Variants in SPATA13 observed in about 807,000 individuals in gnomAD.
SPATA13 encodes spermatogenesis-associated protein 13.
SPATA13 carries 50 observed loss-of-function variants against 104.0 expected under a neutral mutation model. The ratio of observed to expected loss-of-function variants is 0.48; its 90% CI spans 0.38 to 0.61. The LOEUF (loss-of-function observed/expected upper bound fraction) is 0.61. Ranked by LOEUF, SPATA13 falls within the 20% of genes least tolerant of loss-of-function variation. The pLI is 0.00. For missense variants in SPATA13, 1,524 were observed against 1,690.6 expected (o/e 0.90, Z 1.73); for synonymous variants, 606 against 667.5 (o/e 0.91, Z 1.42).
At chr13:24,126,524 C>T (rs561040118) in intron 3 of SPATA13, among the ~76,000 whole-genome samples, 3 of 152,186 alleles carry the variant, frequency 2.0e-5, no homozygotes, top group African/African-American at 7.2e-5. Flanking sequence ...TAAGCATTTA[C>T]GTATATATAT....
At position 24,286,652 on chromosome 13, in the gene SPATA13, A is replaced by G; in HGVS notation, c.2482-113A>G. The G allele has an allele frequency of 2.8e-6, 3 of 1,054,368 alleles. No homozygotes were observed. Among genetic ancestry groups the G allele is most frequent in the Non-Finnish European group, 2.7e-6 (2 of 736,604 alleles). 65.3% of individuals were successfully genotyped at this position (1,054,368 alleles called of 1,614,324 possible). On this transcript the variant is annotated intron_variant, in intron 6 of 12. Transcript: ENST00000382108. The surrounding 1 kb of genome is among the most constrained non-coding windows in gnomAD (Gnocchi z 4.9). ...AGGCCATGAGACTCAGGCGAGGGCC[A>G]GGCTGCCTTCCTAACAGGTCACAGG... is the stretch of plus-strand genomic sequence containing the variant.
intron 4 of SPATA13, 52 bp downstream of exon 4, chr13:24,251,914 G>A (rs569360026): frequency 1.0e-5 from 16 of 1,561,752 alleles, no homozygotes; most frequent in Middle Eastern, 3.5e-4. Context: ...CCATCTGACC[G>A]TTTCCAGCTA....
At position 24,011,427 on chromosome 13, in the gene SPATA13, C is replaced by A. The variant is rs1338883953; in HGVS notation, c.-146-6240C>A. 6.6e-6 allele frequency among the ~76,000 whole-genome samples: 1 copy of A among 152,222 alleles called. No homozygotes were observed. Among genetic ancestry groups the A allele is most frequent in the Non-Finnish European group, 1.5e-5 (1 of 68,048 alleles). On this transcript the variant is annotated intron_variant, in intron 2 of 14. Transcript: ENST00000424834. The surrounding 1 kb of genome is among the most constrained non-coding windows in gnomAD (Gnocchi z 4.3). ...CTGGGCAGGTCTGGCTTGCTGCCCT[C>A]CCCTGGAGAATGTGGCGACCCAGCA...
intron 1 of SPATA13, among the ~76,000 whole-genome samples, chr13:24,185,026 G>A (rs374975850): frequency 1.3e-5 from 2 of 152,302 alleles, no homozygotes; most frequent in South Asian, 4.1e-4. Flanking sequence ...TCTTTGAAAG[G>A]CACGTGTATC....
intron 2 of SPATA13, among the ~76,000 whole-genome samples, chr13:24,000,916 G>C (rs1211440402): frequency 6.6e-6 from 1 of 152,134 alleles, no homozygotes; most frequent in African/African-American, 2.4e-5. Context: ...GATTCCCTGG[G>C]TCAGAGGTGT....
chr13:24,299,447 G>A (rs979682070), intron 11 of SPATA13, among the ~76,000 whole-genome samples: 39 of 152,348 alleles, frequency 2.6e-4, no homozygotes, highest in African/African-American at 9.4e-4. Context: ...ATGCATGTGT[G>A]TGGGTAGAAG....
At chr13:24,130,041 A>T (rs9507251) in intron 3 of SPATA13, among the ~76,000 whole-genome samples, 103,716 of 152,166 alleles carry the variant, frequency 0.68, 35,976 homozygotes, top group East Asian at 0.87. Flanking sequence ...GCTACTCCAC[A>T]CAGCCCTTTC....
chr13:24,111,995 A>T (rs1254030189), intron 3 of SPATA13, among the ~76,000 whole-genome samples: 1 of 152,188 alleles, frequency 6.6e-6, no homozygotes, highest in Non-Finnish European at 1.5e-5. Flanking sequence ...TTTGAATTGG[A>T]TAAAGACTCT....
intron 3 of SPATA13, among the ~76,000 whole-genome samples, chr13:24,066,597 GA>G (rs1404439236): frequency 1.3e-5 from 2 of 152,170 alleles, no homozygotes; most frequent in African/African-American, 4.8e-5. Context: ...CCATGGAGGG[GA>G]CAGCAGGTGC....
chr13:24,067,271 T>G (rs905263470), intron 3 of SPATA13, among the ~76,000 whole-genome samples: 1 of 152,196 alleles, frequency 6.6e-6, no homozygotes, highest in Non-Finnish European at 1.5e-5. Flanking sequence ...AGAATCCAGA[T>G]AGCAAATAGC....
Position 24,224,094 on chromosome 13 carries a change from G to A in SPATA13, c.1165G>A (p.Val389Met), listed in dbSNP as rs759669966. 38 of 1,551,212 alleles carry A rather than the reference G, an allele frequency of 2.4e-5. No homozygotes were observed. The highest frequency in any genetic ancestry group is 1.7e-4 in the Middle Eastern group (1 of 6,012). Residue 389 changes from valine to methionine, a missense_variant, in exon 2 of 13, where the codon GTG becomes ATG. Transcript: ENST00000382108. Reference protein sequence around the residue: ...VMHGTTATCTVAPGFGSATSK... With the variant: ...VMHGTTATCTMAPGFGSATSK... ...GCATGGGACCACTGCAACCTGCACC[G>A]TGGCCCCCGGTTTCGGCTCAGCCAC...
At chr13:24,116,132 C>A (rs1235351835) in intron 3 of SPATA13, among the ~76,000 whole-genome samples, 1 of 152,234 alleles carries the variant, frequency 6.6e-6, no homozygotes, top group Non-Finnish European at 1.5e-5. Context: ...CTGAGTGGCT[C>A]ATGAACAACA....
intron 3 of SPATA13, chr13:24,034,274 C>G (rs1877599026): frequency 6.6e-6 from 1 of 152,162 alleles, no homozygotes; most frequent in African/African-American, 2.4e-5. Flanking sequence ...ACCTGATAAT[C>G]TCCTTCGCTC....
rs1869233130 is a variant in SPATA13 at position 24,187,624 on chromosome 13, C to T, written c.-112+26692C>T. The stretch of plus-strand genomic sequence containing the variant: ...TTGATAATTCTCAAAACATTTCAAG[C>T]ATTTAAATTATTATATCTGTTATGG... On this transcript the variant is annotated intron_variant, in intron 1 of 12. Transcript: ENST00000382108. Among the ~76,000 whole-genome samples the T allele has an allele frequency of 2.0e-5, 3 of 152,250 alleles. No individual in the cohort carries two copies. The East Asian group carries it at 5.8e-4, about 29-fold the overall frequency.
chr13:24,137,040 C>T (rs1222563060), intron 3 of SPATA13, among the ~76,000 whole-genome samples: 2 of 44,738 alleles, frequency 4.5e-5, no homozygotes, highest in African/African-American at 7.2e-5. Context: ...CCGTTTTAGC[C>T]GGGATGGTCT....
intron 4 of SPATA13, among the ~76,000 whole-genome samples, chr13:24,259,928 C>G (rs1873975088): frequency 6.6e-6 from 1 of 152,310 alleles, no homozygotes; most frequent in South Asian, 2.1e-4. Flanking sequence ...GTGTGAGCCA[C>G]CACACCCGGC....
At chr13:24,039,987 T>C (rs1197271330) in intron 3 of SPATA13, among the ~76,000 whole-genome samples, 1 of 152,186 alleles carries the variant, frequency 6.6e-6, no homozygotes, top group East Asian at 1.9e-4. Context: ...GCAGCTGCTC[T>C]AGAAGCAAGG....
intron 1 of SPATA13, among the ~76,000 whole-genome samples, chr13:24,204,376 GTT>G (rs75716177): frequency 0.91 from 137,931 of 152,070 alleles, 64,082 homozygotes; most frequent in East Asian, 1. Flanking sequence ...CTGGTAAATT[GTT>G]TTAAAAGCAT....
chr13:24,242,122 A>G (rs1056044556), intron 2 of SPATA13, among the ~76,000 whole-genome samples: 1 of 152,206 alleles, frequency 6.6e-6, no homozygotes, highest in Non-Finnish European at 1.5e-5. Context: ...TAAGAAACCA[A>G]ATATGAATTT....
Sources: allele counts gnomAD v4.1 joint callset (sites outside exome capture counted in the v4.1 genomes callset), GRCh38; gene constraint gnomAD v4.1.1; non-coding constraint Gnocchi (gnomAD v3.1); transcripts MANE v1.5; gene names NCBI Gene and HGNC (gene_info 2026-07-23, HGNC 2026-07-21).